The following CNTNAP4 variants were observed in gnomAD, a reference collection of about 807,000 sequenced individuals.
CNTNAP4 encodes the protein contactin-associated protein-like 4.
Under a neutral mutation model 148.4 loss-of-function variants are expected in CNTNAP4, and 98 were observed. That is an observed-to-expected ratio of 0.66 (90% confidence interval 0.56 to 0.78). The LOEUF (loss-of-function observed/expected upper bound fraction) is 0.78, where lower values mean the gene tolerates loss of function less well. CNTNAP4 is among the 30% of genes least tolerant of loss of function. CNTNAP4 has a pLI of 0.00. For synonymous variants in CNTNAP4, 730 were observed against 565.1 expected, an observed-to-expected ratio of 1.29 and a Z score of -4.14; for missense variants, 1,935 against 1,565.6, an observed-to-expected ratio of 1.24 and a Z score of -3.98.
chr16:76,384,802 A>T (rs2016349377), intron 3 of CNTNAP4, among the ~76,000 whole-genome samples: 1 of 152,196 alleles, frequency 6.6e-6, no homozygotes, highest in Admixed American at 6.5e-5. Flanking sequence ...ATTTTACTAC[A>T]GTTAATTATC....
intron 3 of CNTNAP4, among the ~76,000 whole-genome samples, chr16:76,364,118 TC>T (rs2013791700): frequency 6.7e-6 from 1 of 149,544 alleles, no homozygotes; most frequent in Non-Finnish European, 1.5e-5. Context: ...ACACCTGTAA[TC>T]CCAGCTACTC....
rs1477884908 is a variant in CNTNAP4 at position 76,560,516 on chromosome 16, A to G, written c.*1833A>G. On this transcript the variant is annotated 3_prime_UTR_variant, in exon 24 of 24. Coordinates refer to ENST00000611870, the MANE Select transcript of CNTNAP4 (RefSeq NM_033401.5). ...TTATTCGATGCAAAGCTGAGTGCAA[A>G]CATCATTATATCTCTGAATCTTTTG... is the stretch of plus-strand genomic sequence containing the variant. Among the ~76,000 whole-genome samples, 1 of 152,192 alleles carries G rather than the reference A, an allele frequency of 6.6e-6. No individual in the cohort carries two copies. The highest frequency in any genetic ancestry group is 1.5e-5 in the Non-Finnish European group (1 of 68,028).
At chr16:76,313,137 A>C (rs1046446379) in intron 1 of CNTNAP4, among the ~76,000 whole-genome samples, 2 of 152,068 alleles carry the variant, frequency 1.3e-5, no homozygotes, top group African/African-American at 2.4e-5. Flanking sequence ...CTTTTGTTTT[A>C]ATTCCACTCT....
At chr16:76,445,377 G>T (rs112068694) in intron 4 of CNTNAP4, among the ~76,000 whole-genome samples, 54 of 152,104 alleles carry the variant, frequency 3.6e-4, no homozygotes, top group Non-Finnish European at 6.9e-4. Flanking sequence ...GAGGACAGGG[G>T]CCATATTTAT....
At chr16:76,532,104 C>T (rs2144212505) in intron 17 of CNTNAP4, among the ~76,000 whole-genome samples, 1 of 152,230 alleles carries the variant, frequency 6.6e-6, no homozygotes, top group East Asian at 1.9e-4. Context: ...AGCTTTTTGT[C>T]AGCAAGATTG....
At chr16:76,397,368 G>A in intron 3 of CNTNAP4, among the ~76,000 whole-genome samples, 1 of 151,896 alleles carries the variant, frequency 6.6e-6, no homozygotes, top group East Asian at 1.9e-4. Context: ...TATGAGGAAA[G>A]GGATTAAATC....
chr16:76,289,711 C>G (rs1342972574), intron 1 of CNTNAP4, among the ~76,000 whole-genome samples: 1 of 152,038 alleles, frequency 6.6e-6, no homozygotes, highest in African/African-American at 2.4e-5. Context: ...GTAGTGACTA[C>G]AGGCACCTGC....
At chr16:76,442,884 C>G (rs1231726498) in intron 4 of CNTNAP4, among the ~76,000 whole-genome samples, 1 of 152,108 alleles carries the variant, frequency 6.6e-6, no homozygotes, top group African/African-American at 2.4e-5. Context: ...AATATACTTG[C>G]TCAAGTTTGA....
At chr16:76,291,904 A>G (rs1452997028) in intron 1 of CNTNAP4, among the ~76,000 whole-genome samples, 1 of 152,182 alleles carries the variant, frequency 6.6e-6, no homozygotes, top group African/African-American at 2.4e-5. Flanking sequence ...GTTTTCTCAT[A>G]CGCATGCTTT....
intron 2 of CNTNAP4, among the ~76,000 whole-genome samples, chr16:76,339,283 G>T (rs1393279128): frequency 3.9e-5 from 6 of 152,054 alleles, no homozygotes; most frequent in African/African-American, 1.4e-4. Flanking sequence ...TGCATAGTCA[G>T]CCCCTCCCCA....
At chr16:76,418,636 A>G (rs557842480) in intron 3 of CNTNAP4, among the ~76,000 whole-genome samples, 7 of 151,602 alleles carry the variant, frequency 4.6e-5, no homozygotes, top group South Asian at 4.2e-4. Flanking sequence ...TAGCATATCA[A>G]TCATAGTTGT....
At chr16:76,473,657 C>G (rs906424557) in intron 10 of CNTNAP4, among the ~76,000 whole-genome samples, 5 of 152,032 alleles carry the variant, frequency 3.3e-5, no homozygotes, top group Non-Finnish European at 5.9e-5. Flanking sequence ...ACCTGTAGTT[C>G]CAGCTACTCG....
intron 15 of CNTNAP4, among the ~76,000 whole-genome samples, chr16:76,513,789 A>C (rs2083124087): frequency 6.6e-6 from 1 of 152,176 alleles, no homozygotes; most frequent in South Asian, 2.1e-4. Flanking sequence ...TTTTTAAAAG[A>C]CAGTAATCTG....
chr16:76,349,712 T>G (rs988990749), intron 2 of CNTNAP4, among the ~76,000 whole-genome samples: 1 of 152,196 alleles, frequency 6.6e-6, no homozygotes, highest in Non-Finnish European at 1.5e-5. Flanking sequence ...AATTATTTTC[T>G]AGGAATTTAG....
intron 1 of CNTNAP4, among the ~76,000 whole-genome samples, chr16:76,310,912 C>G (rs1961030708): frequency 6.6e-6 from 1 of 152,038 alleles, no homozygotes; most frequent in South Asian, 2.1e-4. Context: ...TTTCTACCAC[C>G]TATTAGTCAT....
chr16:76,332,310 G>C (rs2903364), intron 2 of CNTNAP4, among the ~76,000 whole-genome samples: 3 of 152,082 alleles, frequency 2.0e-5, no homozygotes, highest in African/African-American at 7.2e-5. Flanking sequence ...GCCCAGGCTG[G>C]AGTGCAGTGG....
intron 2 of CNTNAP4, among the ~76,000 whole-genome samples, chr16:76,353,775 A>G (rs1399487466): frequency 1.3e-5 from 2 of 152,162 alleles, no homozygotes; most frequent in African/African-American, 4.8e-5. Context: ...TGTAAGTAGC[A>G]GAGTTCTGCC....
chr16:76,293,421 C>T lies in CNTNAP4; in HGVS notation c.85+15674C>T, dbSNP rs372826607. The stretch of plus-strand genomic sequence containing the variant: ...GCTCTATCAAACAAAGCAATGTGAT[C>T]GTAATTTTAATGATATTTTCTTTGA... On this transcript the variant is annotated intron_variant, in intron 1 of 23. Transcript: ENST00000611870. 1.8e-4 allele frequency among the ~76,000 whole-genome samples: 28 copies of T among 152,144 alleles called. No homozygotes were observed. The East Asian group carries it at 4.8e-3, about 26-fold the overall frequency.
chr16:76,386,441 T>C (rs534854789), intron 3 of CNTNAP4, among the ~76,000 whole-genome samples: 120 of 152,310 alleles, frequency 7.9e-4, no homozygotes, highest in African/African-American at 2.8e-3. Flanking sequence ...AAATTTAAAA[T>C]GCAAGCTTCC....
Sources: gnomAD v4.1 joint callset for allele counts (sites outside exome capture counted in the v4.1 genomes callset) on GRCh38, gnomAD v4.1.1 for gene constraint, MANE v1.5 for transcripts, NCBI Gene and HGNC (gene_info 2026-07-23, HGNC 2026-07-21) for gene names.